Variants in POLR1C observed in about 807,000 individuals in gnomAD.
POLR1C encodes the protein DNA-directed RNA polymerases I and III subunit RPAC1.
POLR1C carries 42 observed loss-of-function variants against 38.3 expected under a neutral mutation model. The observed-to-expected ratio is 1.10, with a 90% CI of 0.86 to 1.42. The LOEUF is 1.42. Ranked by LOEUF, POLR1C falls within the 40% of genes most tolerant of loss-of-function variation. The pLI, the probability that POLR1C is intolerant of heterozygous loss-of-function variation, is 0.00. For missense variants in POLR1C, 507 were observed against 450.5 expected (o/e 1.13, Z -1.14); for synonymous variants, 163 against 163.9 (o/e 0.99, Z 0.04).
intron 9 of POLR1C, chr6:43,539,722 A>G: frequency 1.6e-6 from 1 of 635,192 alleles, no homozygotes; most frequent in South Asian, 1.9e-5. Flanking sequence ...TTCTCGGAGA[A>G]GAAGCTACAT....
At chr6:43,549,955 A>C (rs962830551) in intron 9 of POLR1C, 5 of 1,610,622 alleles carry the variant, frequency 3.1e-6, no homozygotes, top group Non-Finnish European at 4.2e-6. Flanking sequence ...GGAGGAAAAA[A>C]GGTCACTCAT....
At chr6:43,539,579 G>GTCCACGGCTGCGACCCCGGCCCCGGCCCC (rs1794570223) in intron 9 of POLR1C, 1 of 1,352,046 alleles carries the variant, frequency 7.4e-7, no homozygotes, top group African/African-American at 1.4e-5. Flanking sequence ...GCCCCGGCCC[G>GTCCACGGCTGCGACCCCGGCCCCGGCCCC]GTCCACGGCT....
downstream of POLR1C, among the ~76,000 whole-genome samples, chr6:43,521,792 C>G (rs1793205609): frequency 1.3e-5 from 2 of 152,180 alleles, no homozygotes; most frequent in Non-Finnish European, 1.5e-5. Flanking sequence ...TGGGGCCTCC[C>G]AAAGTGTTGG....
intron 10 of POLR1C, among the ~76,000 whole-genome samples, chr6:43,556,742 T>C (rs562641394): frequency 1.1e-3 from 170 of 152,294 alleles, no homozygotes; most frequent in African/African-American, 3.6e-3. Context: ...GCATTATTTG[T>C]AATAGCCAAA....
intron 4 of POLR1C, 70 bp downstream of exon 4, chr6:43,519,908 A>G: frequency 6.4e-7 from 1 of 1,562,506 alleles, no homozygotes. Context: ...GATGTTGGGT[A>G]AGTTACTTAT....
downstream of POLR1C, chr6:43,525,309 T>TC: frequency 3.5e-6 from 4 of 1,153,422 alleles, no homozygotes; most frequent in Admixed American, 2.5e-5. Context: ...TTTTTTTTTT[T>TC]CCTCCCCCCC....
downstream of POLR1C, among the ~76,000 whole-genome samples, chr6:43,521,759 G>A (rs1582185253): frequency 6.6e-6 from 1 of 152,192 alleles, no homozygotes; most frequent in South Asian, 2.1e-4. Context: ...TCAAACTCCT[G>A]ACCTCAAGTG....
At chr6:43,531,487 A>C, downstream of POLR1C, 1 of 1,613,554 alleles carries the variant, frequency 6.2e-7, no homozygotes, top group Non-Finnish European at 8.5e-7. Context: ...ACCAGTTTTC[A>C]TAGAGGGTAG....
At chr6:43,529,378 T>TAAA (rs35493258) in exon 9 of POLR1C, 3,024 of 121,764 alleles carry the variant, frequency 0.025, 143 homozygotes, top group African/African-American at 0.097. Context: ...CCGTCTCTAC[T>TAAA]AAAAAAAAAA....
exon 11 of POLR1C, chr6:43,561,685 A>G (rs115753497): frequency 6.5e-6 from 1 of 153,018 alleles, no homozygotes; most frequent in African/African-American, 2.4e-5. Flanking sequence ...GGCCCCCTCA[A>G]TGGTTGCTTA....
chr6:43,523,762 CAG>C, downstream of POLR1C: 1 of 1,567,890 alleles, frequency 6.4e-7, no homozygotes, highest in South Asian at 1.1e-5. Context: ...TCCAGGCTGA[CAG>C]TGGTGGAAAG....
At chr6:43,562,400 AAACATC>A in exon 11 of POLR1C, 4 of 1,289,988 alleles carry the variant, frequency 3.1e-6, no homozygotes, top group Non-Finnish European at 4.4e-6. Flanking sequence ...GCTGTAATAA[AAACATC>A]ACTTTGTGTC....
At chr6:43,539,809 A>T in intron 9 of POLR1C, 1 of 544,898 alleles carries the variant, frequency 1.8e-6, no homozygotes. Context: ...TCCCATGTAA[A>T]ATCATTTAGG....
chr6:43,527,938 A>C (rs563681512), intron 8 of POLR1C, among the ~76,000 whole-genome samples: 83 of 152,362 alleles, frequency 5.4e-4, no homozygotes, highest in African/African-American at 1.9e-3. Flanking sequence ...CAGAATTAAA[A>C]TAAGTGAGTA....
chr6:43,558,115 A>G (rs577047862), intron 10 of POLR1C, among the ~76,000 whole-genome samples: 1 of 152,198 alleles, frequency 6.6e-6, no homozygotes, highest in East Asian at 1.9e-4. Flanking sequence ...AACAAACAAA[A>G]AGGAAATAAG....
intron 10 of POLR1C, among the ~76,000 whole-genome samples, chr6:43,556,438 T>C (rs568316933): frequency 2.0e-5 from 3 of 150,148 alleles, no homozygotes; most frequent in African/African-American, 7.4e-5. Context: ...GGTAGGAGGA[T>C]CAGCTGAGCC....
At chr6:43,553,221 G>A (rs1402573307) in intron 10 of POLR1C, among the ~76,000 whole-genome samples, 1 of 152,126 alleles carries the variant, frequency 6.6e-6, no homozygotes, top group Non-Finnish European at 1.5e-5. Flanking sequence ...AGGATTGCTT[G>A]AGCCCAGGAG....
rs544475398 is a variant in POLR1C at position 43,535,738 on chromosome 6, C to T, written c.*4+6379C>T. 2.8e-4 allele frequency among the ~76,000 whole-genome samples: 42 copies of T among 148,374 alleles called. No homozygotes were observed. The South Asian group carries it at 7.6e-3, about 27-fold the overall frequency. The stretch of plus-strand genomic sequence containing the variant: ...CTGAGGTGGGAGAATGGCGTGAACC[C>T]GGGAGGCGGAGCTTGCAATGAGCTG... On this transcript the variant is annotated intron_variant, in intron 9 of 10. Coordinates refer to the POLR1C transcript ENST00000607635.
chr6:43,549,360 G>T, intron 9 of POLR1C: 1 of 891,230 alleles, frequency 1.1e-6, no homozygotes. Flanking sequence ...CACCATGCCC[G>T]GCCAAGGATG....
Sources: allele counts gnomAD v4.1 joint callset (sites outside exome capture counted in the v4.1 genomes callset), GRCh38; gene constraint gnomAD v4.1.1; transcripts MANE v1.5; gene names NCBI Gene and HGNC (gene_info 2026-07-23, HGNC 2026-07-21).